Variants in ABCG2 observed in about 807,000 individuals in gnomAD.
ABCG2 encodes the protein ATP binding cassette subfamily G member 2 (JR blood group), also known as broad substrate specificity ATP-binding cassette transporter ABCG2.
ABCG2 carries 80 observed loss-of-function variants against 73.5 expected under a neutral mutation model. The observed-to-expected ratio is 1.09, with a 90% CI of 0.91 to 1.31. The LOEUF is 1.31. ABCG2 is among the 50% of genes most tolerant of loss of function. ABCG2 has a pLI of 0.00. For synonymous variants in ABCG2, 269 were observed against 282.4 expected (o/e 0.95, Z 0.48); for missense variants, 796 against 786.2 (o/e 1.01, Z -0.15).
At chr4:88,229,474 A>G (rs1051411524) in intron 1 of ABCG2, among the ~76,000 whole-genome samples, 4 of 152,250 alleles carry the variant, frequency 2.6e-5, no homozygotes, top group African/African-American at 9.6e-5. Flanking sequence ...TCCCGTTTCT[A>G]TAAAAAAATA....
intron 5 of ABCG2, among the ~76,000 whole-genome samples, chr4:88,127,525 C>T (rs542997404): frequency 6.6e-6 from 1 of 152,304 alleles, no homozygotes; most frequent in African/African-American, 2.4e-5. Flanking sequence ...TTAAACTATA[C>T]TACAAGGCTA....
chr4:88,127,597 A>G (rs1441466078), intron 5 of ABCG2, among the ~76,000 whole-genome samples: 2 of 152,196 alleles, frequency 1.3e-5, no homozygotes, highest in Non-Finnish European at 2.9e-5. Context: ...GGAACAGAAC[A>G]GAGGCCTCAG....
At position 88,091,313 on chromosome 4, in the gene ABCG2, G is replaced by A. The variant is rs955784040; in HGVS notation, c.*921C>T. On this transcript the variant is annotated 3_prime_UTR_variant, in exon 16 of 16. Coordinates refer to ENST00000237612, the MANE Select transcript of ABCG2 (RefSeq NM_004827.3). ...GAAGGTTAGAATGAAGAGAACATAA[G>A]GTATATAAGTAGGAAAGAAAACCTA... The A allele has an allele frequency of 4.6e-5, 7 of 152,016 alleles. No individual in the cohort carries two copies. The highest frequency in any genetic ancestry group is 1.7e-4 in the African/African-American group (7 of 41,370). The allele number at this position is 152,016 out of a possible 1,614,324, so 9.4% of individuals were successfully genotyped here.
At chr4:88,194,059 T>TA (rs1240387195) in intron 1 of ABCG2, among the ~76,000 whole-genome samples, 2 of 152,126 alleles carry the variant, frequency 1.3e-5, no homozygotes, top group African/African-American at 2.4e-5. Flanking sequence ...GTTTGAATTT[T>TA]AAAAAAACAT....
upstream of ABCG2, among the ~76,000 whole-genome samples, chr4:88,161,244 A>G (rs1423713422): frequency 1.5e-5 from 2 of 129,414 alleles, no homozygotes; most frequent in East Asian, 4.7e-4. Context: ...ATATGTATAC[A>G]TGTGCCATGC....
chr4:88,119,023 C>T (rs1043445235), intron 6 of ABCG2, among the ~76,000 whole-genome samples: 5 of 152,166 alleles, frequency 3.3e-5, no homozygotes, highest in African/African-American at 1.2e-4. Flanking sequence ...CCACCCAAAT[C>T]TCACCTTCAA....
chr4:88,162,844 C>G (rs558219334), upstream of ABCG2, among the ~76,000 whole-genome samples: 168 of 152,284 alleles, frequency 1.1e-3, 1 homozygote, highest in African/African-American at 3.9e-3. Context: ...AAGCCATTGC[C>G]CTCTGCCCTC....
At chr4:88,160,093 G>A (rs1057266820), upstream of ABCG2, among the ~76,000 whole-genome samples, 5 of 151,630 alleles carry the variant, frequency 3.3e-5, no homozygotes, top group African/African-American at 9.7e-5. Flanking sequence ...AAATACAAAA[G>A]TTAGCTGGGT....
rs142628079 is a variant in ABCG2, at chr4:88,107,245, C to T, written c.1216G>A (p.Gly406Arg). 6.2e-7 allele frequency: 1 copy of T among 1,608,680 alleles called. No individual in the cohort carries two copies. The highest frequency in any genetic ancestry group is 2.2e-5 in the East Asian group (1 of 44,742). ...IAQIIVTVVL[G>R]LVIGAIYFGL... The stretch of plus-strand genomic sequence containing the variant: ...AAGTAAATGGCACCTATAACCAGTC[C>T]CAGTACGACTGTGACAATGATCTTT... Residue 406 changes from glycine to arginine, a missense_variant, in exon 10 of 16, where the codon GGA becomes AGA. Physicochemically the swap from Gly to Arg is moderately radical, Grantham distance 125. Coordinates refer to ENST00000237612, the MANE Select transcript of ABCG2 (RefSeq NM_004827.3).
chr4:88,205,920 A>T (rs1211461889), intron 1 of ABCG2, among the ~76,000 whole-genome samples: 1 of 151,854 alleles, frequency 6.6e-6, no homozygotes, highest in African/African-American at 2.4e-5. Context: ...TGACCTCATG[A>T]TCCGCCTGCC....
At chr4:88,109,688 A>T (rs1722999667) in intron 9 of ABCG2, among the ~76,000 whole-genome samples, 1 of 152,240 alleles carries the variant, frequency 6.6e-6, no homozygotes, top group African/African-American at 2.4e-5. Context: ...CCTTTGGAAG[A>T]TGCATTATCA....
intron 1 of ABCG2, among the ~76,000 whole-genome samples, chr4:88,170,170 C>A (rs772467176): frequency 2.6e-5 from 4 of 151,130 alleles, no homozygotes; most frequent in Non-Finnish European, 5.9e-5. Context: ...CCTTTCTTGC[C>A]AGTCTCAAGA....
chr4:88,097,400 G>A, intron 13 of ABCG2, 53 bp downstream of exon 13: 1 of 1,590,984 alleles, frequency 6.3e-7, no homozygotes. Context: ...TGTGCAGGAA[G>A]AAATGAAGGA....
chr4:88,202,354 T>TATATATATATATATATATATATCTATA (rs1553945717), intron 1 of ABCG2, among the ~76,000 whole-genome samples: 1 of 62,086 alleles, frequency 1.6e-5, no homozygotes, highest in Admixed American at 2.4e-4. Flanking sequence ...CTACAATTAT[T>TATATATATATATATATATATATCTATA]TATATATATA....
Position 88,116,173 on chromosome 4 carries a change from C to T in ABCG2, c.842-1115G>A, listed in dbSNP as rs562666545. ...AAGCACCACTGCACTCTAGCCTGGG[C>T]GACAGAGTGAGACTCTGTCTCAAAG... On this transcript the variant is annotated intron_variant, in intron 7 of 15. Coordinates refer to ENST00000237612, the MANE Select transcript of ABCG2 (RefSeq NM_004827.3). Among the ~76,000 whole-genome samples the T allele has an allele frequency of 6.6e-5, 10 of 152,056 alleles. No homozygotes were observed. In the South Asian group the frequency reaches 8.3e-4, roughly 13 times the overall value.
chr4:88,124,934 G>T (rs187720457), intron 5 of ABCG2, among the ~76,000 whole-genome samples: 1 of 152,128 alleles, frequency 6.6e-6, no homozygotes, highest in South Asian at 2.1e-4. Context: ...ACATGCAAAA[G>T]AACGGAAATC....
At chr4:88,112,044 C>A (rs913072638) in intron 9 of ABCG2, among the ~76,000 whole-genome samples, 4 of 151,536 alleles carry the variant, frequency 2.6e-5, no homozygotes, top group Non-Finnish European at 5.9e-5. Context: ...TATGATTGCA[C>A]CACTGCACTC....
intron 1 of ABCG2, among the ~76,000 whole-genome samples, chr4:88,165,429 CCATCTTCAAAGCCAGCAG>C (rs1418093105): frequency 2.6e-5 from 4 of 152,202 alleles, no homozygotes; most frequent in South Asian, 2.1e-4. Flanking sequence ...GCCTCTTTCT[CCATCTTCAAAGCCAGCAG>C]CATAGCAGCC....
chr4:88,184,905 G>A (rs1408186198), intron 1 of ABCG2, among the ~76,000 whole-genome samples: 2 of 152,142 alleles, frequency 1.3e-5, no homozygotes, highest in African/African-American at 4.8e-5. Context: ...CATCTACAGT[G>A]AATTCATTTT....
Sources: allele counts gnomAD v4.1 joint callset (sites outside exome capture counted in the v4.1 genomes callset), GRCh38; gene constraint gnomAD v4.1.1; transcripts MANE v1.5; gene names NCBI Gene and HGNC (gene_info 2026-07-23, HGNC 2026-07-21).